Variants in INPP4A observed in about 807,000 individuals in gnomAD.
The protein encoded by INPP4A is inositol polyphosphate-4-phosphatase, type I, 107kD.
A neutral mutation model predicts 119.8 loss-of-function variants in INPP4A; 33 were observed. That is an observed-to-expected ratio of 0.28 (90% CI 0.21 to 0.37). The LOEUF is 0.37. Ranked by LOEUF, INPP4A falls within the 10% of genes least tolerant of loss-of-function variation. The pLI is 1.00. For synonymous variants in INPP4A, 496 were observed against 500.7 expected, an observed-to-expected ratio of 0.99 and a Z score of 0.12; for missense variants, 956 against 1,289.9, an observed-to-expected ratio of 0.74 and a Z score of 3.97.
intron 1 of INPP4A, among the ~76,000 whole-genome samples, chr2:98,461,770 G>A (rs1697195507): frequency 6.6e-6 from 1 of 152,204 alleles, no homozygotes; most frequent in Non-Finnish European, 1.5e-5. Context: ...CATGCTGCGT[G>A]CTCGCTGTGT....
intron 1 of INPP4A, among the ~76,000 whole-genome samples, chr2:98,448,098 A>G (rs1051113450): frequency 4.6e-5 from 7 of 150,838 alleles, no homozygotes; most frequent in Non-Finnish European, 7.4e-5. Flanking sequence ...GCTCATGCCT[A>G]TAATCCCAGC....
intron 1 of INPP4A, among the ~76,000 whole-genome samples, chr2:98,452,209 G>A (rs1023562753): frequency 5.9e-5 from 9 of 152,184 alleles, no homozygotes; most frequent in Non-Finnish European, 1.2e-4. Flanking sequence ...AAAGGGTCAC[G>A]TGGCCTTCCC....
At chr2:98,477,820 C>T (rs995106815) in intron 1 of INPP4A, among the ~76,000 whole-genome samples, 2 of 152,230 alleles carry the variant, frequency 1.3e-5, no homozygotes, top group African/African-American at 2.4e-5. Flanking sequence ...AGGCTAAGGG[C>T]CCCTCTAATG....
intron 20 of INPP4A, 73 bp downstream of exon 20, chr2:98,565,839 T>G: frequency 6.4e-7 from 1 of 1,569,662 alleles, no homozygotes; most frequent in Non-Finnish European, 8.6e-7. Flanking sequence ...GAAGGTACTC[T>G]TCTGAATTTT....
intron 10 of INPP4A, among the ~76,000 whole-genome samples, chr2:98,540,572 G>A (rs1366767062): frequency 2.6e-5 from 4 of 152,230 alleles, no homozygotes; most frequent in South Asian, 2.1e-4. Flanking sequence ...GATCAGAAAA[G>A]TATTTGACTC....
At chr2:98,574,348 C>A (rs1698042297) in intron 23 of INPP4A, among the ~76,000 whole-genome samples, 1 of 152,090 alleles carries the variant, frequency 6.6e-6, no homozygotes, top group African/African-American at 2.4e-5. Context: ...ACGAAGAATA[C>A]AGAGGGTGGC....
intron 1 of INPP4A, among the ~76,000 whole-genome samples, chr2:98,445,774 T>C (rs1181316241): frequency 6.6e-6 from 1 of 152,158 alleles, no homozygotes; most frequent in Non-Finnish European, 1.5e-5. Flanking sequence ...GCCTGCCCTC[T>C]GACATTACAT....
intron 16 of INPP4A, among the ~76,000 whole-genome samples, chr2:98,556,856 C>T (rs565129468): frequency 1.4e-4 from 22 of 152,350 alleles, no homozygotes; most frequent in African/African-American, 5.3e-4. Context: ...GTTATCACGT[C>T]ACCCATCTCT....
rs746318463 is a variant in INPP4A, at chr2:98,577,135, C to T, written c.2778C>T (p.Cys926=). 2.5e-6 allele frequency: 4 copies of T among 1,608,314 alleles called. No individual in the cohort carries two copies. Among genetic ancestry groups the T allele is most frequent in the Admixed American group, 3.4e-5 (2 of 59,368 alleles). The change falls in exon 24 of 25, where the codon TGC becomes TGT. Residue 926 remains cysteine (C), a synonymous_variant. Transcript: ENST00000409851. ...APQVFTQALE[C]MRSEGCRREN... ...AGGTCTTCACCCAGGCCCTGGAGTG[C>T]ATGCGCAGGTGAGTGCCGCAGCCAG...
At chr2:98,449,310 T>C (rs1024909045) in intron 1 of INPP4A, among the ~76,000 whole-genome samples, 1 of 152,254 alleles carries the variant, frequency 6.6e-6, no homozygotes, top group African/African-American at 2.4e-5. Context: ...TAGTTGGAAC[T>C]GTACTGAAAG....
chr2:98,574,907 T>C (rs1698160819), intron 23 of INPP4A, among the ~76,000 whole-genome samples: 1 of 152,194 alleles, frequency 6.6e-6, no homozygotes, highest in East Asian at 1.9e-4. Flanking sequence ...TATTTCTTGT[T>C]CCCAGTAGAG....
At chr2:98,523,551 C>T (rs986182054) in intron 4 of INPP4A, among the ~76,000 whole-genome samples, 17 of 152,012 alleles carry the variant, frequency 1.1e-4, no homozygotes, top group Non-Finnish European at 1.5e-5. Context: ...CCCACCACCA[C>T]ACCCAGCTAA....
In INPP4A at chr2:98,554,557, A is replaced by T. The variant is rs769972882; in HGVS notation, c.1566+68A>T. 10 of 1,387,264 alleles carry T rather than the reference A, an allele frequency of 7.2e-6. No individual in the cohort carries two copies. The highest frequency in any genetic ancestry group is 1.0e-5 in the Non-Finnish European group (10 of 1,003,724). The allele number at this position is 1,387,264 out of a possible 1,614,324, so 85.9% of individuals were successfully genotyped here. A position where few individuals can be genotyped will look rare whatever the true frequency, so the allele number is the denominator to read the frequency against. ...GCTGAAAACCACAAAACCTGTTGCC[A>T]GTCTCTGCCCCTCTGAAGTGCCTCA... On this transcript the variant is annotated intron_variant, in intron 15 of 24. Coordinates refer to ENST00000409851, the MANE Select transcript of INPP4A (RefSeq NM_001134225.2). This position sits in a 1 kb window ranked among gnomAD's most constrained non-coding sequence, Gnocchi z 4.7.
intron 1 of INPP4A, among the ~76,000 whole-genome samples, chr2:98,502,997 A>G (rs1304135899): frequency 6.6e-6 from 1 of 152,150 alleles, no homozygotes; most frequent in Admixed American, 6.5e-5. Flanking sequence ...GCTGATGACA[A>G]ATGGACCTTT....
At chr2:98,514,937 G>A (rs560584767) in intron 1 of INPP4A, among the ~76,000 whole-genome samples, 18 of 150,466 alleles carry the variant, frequency 1.2e-4, no homozygotes, top group African/African-American at 3.9e-4. Flanking sequence ...AAAAAAAAAA[G>A]TACAAAACCC....
intron 1 of INPP4A, among the ~76,000 whole-genome samples, chr2:98,514,192 A>C (rs1009021676): frequency 2.0e-5 from 3 of 152,150 alleles, no homozygotes; most frequent in Non-Finnish European, 2.9e-5. Flanking sequence ...CAGAGTGGTG[A>C]GGTCCAAGCC....
At chr2:98,565,788 C>A (rs1315123911) in intron 20 of INPP4A, 22 bp downstream of exon 20, 1 of 1,606,150 alleles carries the variant, frequency 6.2e-7, no homozygotes, top group East Asian at 2.2e-5. Flanking sequence ...GTTTAAAATT[C>A]TCTGAGCCAG....
chr2:98,548,204 C>T (rs918327960), intron 13 of INPP4A, among the ~76,000 whole-genome samples: 1 of 152,098 alleles, frequency 6.6e-6, no homozygotes, highest in African/African-American at 2.4e-5. Flanking sequence ...GCCCAGAGCC[C>T]GGTGAGTCCC....
At chr2:98,537,560 G>GCAGCAGCTCAGGAA (rs1417809714) in intron 7 of INPP4A, among the ~76,000 whole-genome samples, 1 of 152,178 alleles carries the variant, frequency 6.6e-6, no homozygotes, top group African/African-American at 2.4e-5. Flanking sequence ...ACAGGCACTG[G>GCAGCAGCTCAGGAA]CAGCAGCTCA....
Sources: gnomAD v4.1 joint callset for allele counts (sites outside exome capture counted in the v4.1 genomes callset) on GRCh38, gnomAD v4.1.1 for gene constraint, Gnocchi (gnomAD v3.1) non-coding constraint, MANE v1.5 for transcripts, NCBI Gene and HGNC (gene_info 2026-07-23, HGNC 2026-07-21) for gene names.